The following PCBP2 variants were observed in gnomAD, a reference collection of about 807,000 sequenced individuals.
PCBP2 encodes the protein poly(rC)-binding protein 2.
Under a neutral mutation model 50.1 loss-of-function variants are expected in PCBP2, and 4 were observed. That is an observed-to-expected ratio of 0.08 (90% CI 0.04 to 0.18). The LOEUF (loss-of-function observed/expected upper bound fraction) is 0.18, where lower values mean the gene tolerates loss of function less well. PCBP2 is among the 10% of genes least tolerant of loss of function. PCBP2 has a pLI of 1.00. For missense variants in PCBP2, 161 were observed against 474.3 expected (o/e 0.34, Z 6.14); for synonymous variants, 179 against 168.0 (o/e 1.07, Z -0.51).
chr12:53,464,671 A>G (rs543812659), intron 8 of PCBP2, 89 bp from the exon 9 acceptor site: 3 of 1,529,526 alleles, frequency 2.0e-6, no homozygotes, highest in South Asian at 1.3e-5. Flanking sequence ...AAGGAAAAAA[A>G]TAAACAACTT....
At position 53,455,447 on chromosome 12, in the gene PCBP2, CTT is replaced by C. The variant is rs1378539903; in HGVS notation, c.94-11_94-10del. On this transcript the variant is annotated splice_polypyrimidine_tract_variant and intron_variant, in intron 3 of 14. Transcript: ENST00000546463. ...AGTAGCAGTTGGAGCTCATGCTTGA[CTT>C]TTCCTTTACAGAAAGGAGAATCAGT... 1.2e-6 allele frequency: 2 copies of C among 1,614,064 alleles called. No homozygotes were observed. The highest frequency in any genetic ancestry group is 1.7e-6 in the Non-Finnish European group (2 of 1,179,978).
rs1479564341 is a variant in PCBP2 at position 53,452,385 on chromosome 12, A to C, written c.-76+9A>C. 7.0e-6 allele frequency: 1 copy of C among 143,514 alleles called. No individual in the cohort carries two copies. The highest frequency in any genetic ancestry group is 1.5e-5 in the Non-Finnish European group (1 of 66,136). 8.9% of individuals were successfully genotyped at this position (143,514 alleles called of 1,614,324 possible). ...TCGCCTCGCGCCTGCAGGTAAGCCT[A>C]AAAATTTCCCTTGCGCCCCCGGCTA... On this transcript the variant is annotated intron_variant, in intron 1 of 14. Coordinates refer to ENST00000546463, the MANE Select transcript of PCBP2 (RefSeq NM_031989.5).
rs1220726660 is a variant in PCBP2 at position 53,452,162 on chromosome 12, GCCCTCCGC to G, written c.-287_-280del. The stretch of plus-strand genomic sequence containing the variant: ...AGCCTGCGCCCTCTCCCGCCCGCCC[GCCCTCCGC>G]CCGCCCGCCCGCCCTCCGCCGCCCT... On this transcript the variant is annotated 5_prime_UTR_variant, in exon 1 of 15. Transcript: ENST00000546463. 1.1e-4 allele frequency: 2 copies of G among 17,724 alleles called. No individual in the cohort carries two copies. 1.1% of individuals were successfully genotyped at this position (17,724 alleles called of 1,614,324 possible).
At chr12:53,452,603 G>T (rs1940629845) in intron 1 of PCBP2, among the ~76,000 whole-genome samples, 2 of 151,508 alleles carry the variant, frequency 1.3e-5, no homozygotes, top group Admixed American at 6.6e-5. Flanking sequence ...GCCTTTTCCC[G>T]GTGGCGGCTG....
intron 5 of PCBP2, 53 bp downstream of exon 5, chr12:53,456,054 T>C: frequency 9.0e-7 from 1 of 1,109,250 alleles, no homozygotes; most frequent in Non-Finnish European, 1.4e-6. Context: ...TCCAGAGAGC[T>C]TGTTGATTTT....
intron 8 of PCBP2, among the ~76,000 whole-genome samples, chr12:53,463,681 G>C (rs1941609799): frequency 1.3e-5 from 2 of 152,270 alleles, no homozygotes; most frequent in African/African-American, 4.8e-5. Context: ...CACCAATAAC[G>C]TAGGGACACC....
intron 6 of PCBP2, chr12:53,460,757 G>C: frequency 3.0e-6 from 1 of 335,308 alleles, no homozygotes; most frequent in Non-Finnish European, 5.7e-6. Context: ...CTATTTAGAA[G>C]GACCTTTTGC....
intron 7 of PCBP2, 37 bp from the exon 8 acceptor site, chr12:53,462,456 T>C (rs370069550): frequency 1.1e-5 from 17 of 1,567,810 alleles, no homozygotes; most frequent in Middle Eastern, 1.7e-4. Flanking sequence ...TGAAACCTTA[T>C]CTCTTTTTGT....
intron 6 of PCBP2, chr12:53,460,334 C>A: frequency 2.8e-6 from 1 of 356,302 alleles, no homozygotes; most frequent in South Asian, 2.0e-5. Flanking sequence ...GTTGTAGAGA[C>A]GAGTCTCACT....
chr12:53,467,487 T>C (rs1355958166), intron 11 of PCBP2, 194 bp downstream of exon 11: 1 of 647,848 alleles, frequency 1.5e-6, no homozygotes, highest in Non-Finnish European at 2.7e-6. Context: ...GGGTCAGTTA[T>C]TCTAAAAGAA....
At chr12:53,461,854 T>C (rs1181124103) in intron 7 of PCBP2, among the ~76,000 whole-genome samples, 1 of 152,098 alleles carries the variant, frequency 6.6e-6, no homozygotes, top group Non-Finnish European at 1.5e-5. Flanking sequence ...TCTACAGGCA[T>C]GCGCCACCAC....
intron 14 of PCBP2, chr12:53,474,776 T>C (rs780322242): frequency 7.8e-5 from 27 of 347,940 alleles, no homozygotes; most frequent in Admixed American, 2.8e-4. Flanking sequence ...CTTACTGATA[T>C]AACTGAAGCA....
At chr12:53,465,648 T>G (rs1352379091) in intron 9 of PCBP2, among the ~76,000 whole-genome samples, 1 of 152,152 alleles carries the variant, frequency 6.6e-6, no homozygotes, top group Non-Finnish European at 1.5e-5. Context: ...CTAATCTCAC[T>G]TCCCACATTT....
At chr12:53,462,648 A>G in intron 8 of PCBP2, 81 bp downstream of exon 8, 1 of 1,109,744 alleles carries the variant, frequency 9.0e-7, no homozygotes, top group Non-Finnish European at 1.3e-6. Context: ...ACACCAAGCC[A>G]CTCTGCATGC....
At chr12:53,460,752 T>C (rs1437611523) in intron 6 of PCBP2, 3 of 332,136 alleles carry the variant, frequency 9.0e-6, no homozygotes, top group Non-Finnish European at 1.1e-5. Context: ...GGCAACTATT[T>C]AGAAGGACCT....
chr12:53,477,916 A>T (rs1942742251), intron 14 of PCBP2, among the ~76,000 whole-genome samples: 1 of 152,058 alleles, frequency 6.6e-6, no homozygotes, highest in African/African-American at 2.4e-5. Context: ...TTATGAAATA[A>T]CTTATCTTAT....
At chr12:53,462,622 C>A in intron 8 of PCBP2, 55 bp downstream of exon 8, 1 of 1,456,456 alleles carries the variant, frequency 6.9e-7, no homozygotes, top group South Asian at 1.2e-5. Context: ...TTTGAAATGT[C>A]AACTTTGCCA....
chr12:53,479,508 T>C lies in PCBP2; in HGVS notation c.*66T>C. On this transcript the variant is annotated 3_prime_UTR_variant, in exon 15 of 15. Transcript: ENST00000546463. ...CACCACCCATGATCCATCTGTGTAG[T>C]TTCTGAACAGTCAGCGATTCCAGGT... 1 of 1,408,122 alleles carries C rather than the reference T, an allele frequency of 7.1e-7. No homozygotes were observed. Among genetic ancestry groups the C allele is most frequent in the Non-Finnish European group, 1.0e-6 (1 of 996,096 alleles). 87.2% of individuals were successfully genotyped at this position (1,408,122 alleles called of 1,614,324 possible).
At chr12:53,477,968 GA>G in intron 14 of PCBP2, among the ~76,000 whole-genome samples, 1 of 152,172 alleles carries the variant, frequency 6.6e-6, no homozygotes. Flanking sequence ...TATTCAAAAT[GA>G]GGGCAAAGTC....
Sources: gnomAD v4.1 joint callset for allele counts (sites outside exome capture counted in the v4.1 genomes callset) on GRCh38, gnomAD v4.1.1 for gene constraint, MANE v1.5 for transcripts, NCBI Gene and HGNC (gene_info 2026-07-23, HGNC 2026-07-21) for gene names.